SLC11A2: variants seen among roughly 807,000 people sequenced by gnomAD.
SLC11A2 encodes solute carrier family 11 member 2.
In SLC11A2, 38 loss-of-function variants were observed where a neutral mutation model predicts 68.0. The ratio of observed to expected loss-of-function variants is 0.56; its 90% CI spans 0.43 to 0.73. The LOEUF is 0.73. Ranked by LOEUF, SLC11A2 falls within the 30% of genes least tolerant of loss-of-function variation. The pLI, the probability that SLC11A2 is intolerant of heterozygous loss-of-function variation, is 0.00. For synonymous variants in SLC11A2, 242 were observed against 250.6 expected (o/e 0.97, Z 0.32); for missense variants, 517 against 690.5 (o/e 0.75, Z 2.82).
At chr12:51,026,473 G>A, upstream of SLC11A2, 1 of 689,786 alleles carries the variant, frequency 1.4e-6, no homozygotes, top group Non-Finnish European at 2.2e-6. Context: ...GCCGGGATGC[G>A]TGGCCCGCAG....
the SLC11A2 span, among the ~76,000 whole-genome samples, chr12:50,962,203 T>C: frequency 2.0e-5 from 3 of 151,354 alleles, no homozygotes; most frequent in Admixed American, 2.0e-4. Context: ...CTGGCCAACA[T>C]GGCAAAACCC....
chr12:51,018,609 T>C (rs1382738694), intron 1 of SLC11A2, among the ~76,000 whole-genome samples: 1 of 151,712 alleles, frequency 6.6e-6, no homozygotes, highest in Non-Finnish European at 1.5e-5. Flanking sequence ...CAAAACCCCA[T>C]CCCTACAAAA....
At chr12:50,976,488 T>C (rs1257001658), downstream of SLC11A2, among the ~76,000 whole-genome samples, 3 of 152,224 alleles carry the variant, frequency 2.0e-5, no homozygotes. Flanking sequence ...TGATGGGATG[T>C]ATCTCAAAAC....
Position 51,026,327 on chromosome 12 carries a change from C to A in SLC11A2, c.-56G>T. On this transcript the variant is annotated 5_prime_UTR_variant, in exon 1 of 16. Transcript: ENST00000262052. Reference sequence around the variant, plus strand: ...CCCCTCACCTTACCAGCTCCGCAACCACCTGACACGCCGCCCCCGCGCCCA... The same window carrying A: ...CCCCTCACCTTACCAGCTCCGCAACAACCTGACACGCCGCCCCCGCGCCCA... 2 of 1,274,680 alleles carry A rather than the reference C, an allele frequency of 1.6e-6. No individual in the cohort carries two copies. Among genetic ancestry groups the A allele is most frequent in the Non-Finnish European group, 2.0e-6 (2 of 978,244 alleles). The allele number at this position is 1,274,680 out of a possible 1,614,324, so 79.0% of individuals were successfully genotyped here.
At chr12:50,980,127 G>A (rs1195211034), downstream of SLC11A2, 1 of 361,128 alleles carries the variant, frequency 2.8e-6, no homozygotes, top group East Asian at 7.3e-5. Context: ...TTGGGATGCT[G>A]AAGTGGGAGG....
the SLC11A2 span, among the ~76,000 whole-genome samples, chr12:50,952,960 AG>A: frequency 2.0e-5 from 3 of 152,194 alleles, no homozygotes; most frequent in African/African-American, 7.2e-5. Flanking sequence ...TTGTGAAGGC[AG>A]ACTTAAGCAA....
chr12:50,964,337 T>C, the SLC11A2 span, among the ~76,000 whole-genome samples: 15 of 152,250 alleles, frequency 9.9e-5, no homozygotes, highest in Admixed American at 9.8e-4. Flanking sequence ...GTTATTTGAC[T>C]GGTGGGGTGA....
intron 11 of SLC11A2, among the ~76,000 whole-genome samples, chr12:50,993,595 G>T (rs187579521): frequency 6.6e-5 from 10 of 151,632 alleles, no homozygotes; most frequent in African/African-American, 1.9e-4. Context: ...GGAGGCCGAG[G>T]GGGGGGTGGA....
At chr12:50,998,431 G>A (rs367891365) in intron 8 of SLC11A2, among the ~76,000 whole-genome samples, 1 of 152,028 alleles carries the variant, frequency 6.6e-6, no homozygotes, top group Admixed American at 6.6e-5. Flanking sequence ...TATCCATACT[G>A]AGCATACTTC....
At chr12:51,005,564 T>C (rs889857385) in intron 3 of SLC11A2, 128 bp from the exon 4 acceptor site, 9 of 1,523,622 alleles carry the variant, frequency 5.9e-6, no homozygotes, top group African/African-American at 1.4e-5. Flanking sequence ...ATGTCAGATA[T>C]TGCATGTGTC....
chr12:51,004,023 G>C (rs747619249), intron 5 of SLC11A2, among the ~76,000 whole-genome samples: 42 of 152,228 alleles, frequency 2.8e-4, no homozygotes, highest in Admixed American at 1.8e-3. Flanking sequence ...AATTTTATGG[G>C]TACATAGTAG....
At chr12:50,998,630 G>A (rs1044850652) in intron 8 of SLC11A2, among the ~76,000 whole-genome samples, 15 of 152,092 alleles carry the variant, frequency 9.9e-5, no homozygotes, top group Non-Finnish European at 7.4e-5. Context: ...AGACCAGTAA[G>A]CAGAAATCAG....
the SLC11A2 span, among the ~76,000 whole-genome samples, chr12:50,967,574 C>T: frequency 6.6e-6 from 1 of 152,234 alleles, no homozygotes; most frequent in Non-Finnish European, 1.5e-5. Context: ...CCATGCCTGG[C>T]CTAATGGGTG....
In SLC11A2 at chr12:50,999,422, C is replaced by T. The variant is rs1247288670; in HGVS notation, c.537-7G>A. On this transcript the variant is annotated splice_region_variant and splice_polypyrimidine_tract_variant and intron_variant, in intron 6 of 15. Coordinates refer to ENST00000262052, the MANE Select transcript of SLC11A2 (RefSeq NM_000617.3). ...GCCACCCCACAGAGGAATTCTAGGT[C>T]AGAGATGAGATATGGAAGTCAGAGA... 1 of 1,607,008 alleles carries T rather than the reference C, an allele frequency of 6.2e-7. No individual in the cohort carries two copies. The highest frequency in any genetic ancestry group is 8.5e-7 in the Non-Finnish European group (1 of 1,173,562).
chr12:50,953,373 G>C, the SLC11A2 span, among the ~76,000 whole-genome samples: 1 of 152,214 alleles, frequency 6.6e-6, no homozygotes, highest in African/African-American at 2.4e-5. Flanking sequence ...AGACTCAGGC[G>C]CTGCTAAATC....
At chr12:51,005,962 C>T (rs1942686619) in intron 3 of SLC11A2, 6 of 298,416 alleles carry the variant, frequency 2.0e-5, no homozygotes, top group Admixed American at 9.0e-5. Flanking sequence ...ATTATACTCC[C>T]GTCCCTTTGG....
At chr12:50,979,838 AG>A (rs1939918180), downstream of SLC11A2, 4 of 453,976 alleles carry the variant, frequency 8.8e-6, no homozygotes, top group South Asian at 3.1e-5. Flanking sequence ...TAAGGCAGAG[AG>A]GTCATATATT....
At chr12:50,995,920 C>T (rs1941661172) in intron 9 of SLC11A2, 133 bp from the exon 10 acceptor site, 2 of 765,572 alleles carry the variant, frequency 2.6e-6, no homozygotes, top group East Asian at 2.5e-5. Context: ...AGATCCAACA[C>T]TCACCTACAT....
intron 5 of SLC11A2, among the ~76,000 whole-genome samples, chr12:51,001,280 G>A (rs1272997540): frequency 2.0e-5 from 3 of 151,758 alleles, no homozygotes; most frequent in Non-Finnish European, 2.9e-5. Context: ...ACCAGCCTGG[G>A]CAACATGGCA....
Sources: allele counts gnomAD v4.1 joint callset (sites outside exome capture counted in the v4.1 genomes callset), GRCh38; gene constraint gnomAD v4.1.1; transcripts MANE v1.5; gene names NCBI Gene and HGNC (gene_info 2026-07-23, HGNC 2026-07-21).